The following BTBD9 variants were observed in gnomAD, a reference collection of about 807,000 sequenced individuals.
BTBD9 encodes the protein BTB/POZ domain-containing protein 9.
BTBD9 carries 49 observed loss-of-function variants against 64.3 expected under a neutral mutation model. That is an observed-to-expected ratio of 0.76 (90% CI 0.61 to 0.97). The LOEUF (loss-of-function observed/expected upper bound fraction) is 0.97, where lower values mean the gene tolerates loss of function less well. BTBD9 is among the 50% of genes least tolerant of loss of function. The pLI is 0.00. For missense variants in BTBD9, 598 were observed against 762.1 expected, an observed-to-expected ratio of 0.78 and a Z score of 2.53; for synonymous variants, 260 against 274.7, an observed-to-expected ratio of 0.95 and a Z score of 0.53.
At chr6:38,449,403 T>C (rs1267799590) in intron 6 of BTBD9, among the ~76,000 whole-genome samples, 2 of 152,122 alleles carry the variant, frequency 1.3e-5, no homozygotes, top group Non-Finnish European at 2.9e-5. Context: ...AACAGCACAG[T>C]ACTGGCATAA....
intron 1 of BTBD9, among the ~76,000 whole-genome samples, chr6:38,638,934 C>A (rs1778624255): frequency 6.6e-6 from 1 of 152,158 alleles, no homozygotes; most frequent in African/African-American, 2.4e-5. Flanking sequence ...ATGAGCTACA[C>A]CTTTACATGC....
intron 6 of BTBD9, among the ~76,000 whole-genome samples, chr6:38,366,796 C>T (rs1173116340): frequency 6.6e-6 from 1 of 152,180 alleles, no homozygotes; most frequent in Non-Finnish European, 1.5e-5. Flanking sequence ...TGGCCATTCA[C>T]TAGGAATAGA....
chr6:38,437,574 A>G (rs1768797095), intron 6 of BTBD9, among the ~76,000 whole-genome samples: 1 of 152,210 alleles, frequency 6.6e-6, no homozygotes, highest in Non-Finnish European at 1.5e-5. Flanking sequence ...GACTGTGAAA[A>G]CTGTAATGCC....
At chr6:38,279,805 G>A (rs927150673) in intron 8 of BTBD9, among the ~76,000 whole-genome samples, 6 of 152,068 alleles carry the variant, frequency 3.9e-5, no homozygotes, top group African/African-American at 9.7e-5. Context: ...AAACACACAC[G>A]TGTGCATGAA....
rs980161677 is a variant in BTBD9 at position 38,174,933 on chromosome 6, G to T, written c.*52C>A. Reference sequence around the variant, plus strand: ...GAGACCCCTGCTCAGGGAGGAGACCGTTTCCTGCCGTTGCCCGAGCCCACC... The same window carrying T: ...GAGACCCCTGCTCAGGGAGGAGACCTTTTCCTGCCGTTGCCCGAGCCCACC... On this transcript the variant is annotated 3_prime_UTR_variant, in exon 11 of 11. Coordinates refer to ENST00000481247, the MANE Select transcript of BTBD9 (RefSeq NM_001099272.2). 1 of 1,597,658 alleles carries T rather than the reference G, an allele frequency of 6.3e-7. No individual in the cohort carries two copies. Among genetic ancestry groups the T allele is most frequent in the Non-Finnish European group, 8.5e-7 (1 of 1,171,370 alleles).
chr6:38,580,549 C>G lies in BTBD9; in HGVS notation c.815-112G>C, dbSNP rs114423425. 3,792 of 868,062 alleles carry G rather than the reference C, an allele frequency of 4.4e-3. 77 individuals are homozygous for G. In the African/African-American group the frequency reaches 0.055, roughly 12 times the overall value. 53.8% of individuals were successfully genotyped at this position (868,062 alleles called of 1,614,324 possible). ...TTATTCTAGTATCTGCATTTAAGAACAGCATAGACAAGTTTATTGGATAGA... is the reference window on the plus strand; with the variant it reads ...TTATTCTAGTATCTGCATTTAAGAAGAGCATAGACAAGTTTATTGGATAGA... On this transcript the variant is annotated intron_variant, in intron 4 of 10. Transcript: ENST00000481247.
At chr6:38,271,190 C>T (rs1765185996) in intron 8 of BTBD9, among the ~76,000 whole-genome samples, 1 of 152,128 alleles carries the variant, frequency 6.6e-6, no homozygotes, top group Non-Finnish European at 1.5e-5. Context: ...GTATCTAAAA[C>T]AGATTAAAGT....
intron 4 of BTBD9, among the ~76,000 whole-genome samples, chr6:38,584,188 C>T (rs996953509): frequency 1.3e-5 from 2 of 151,966 alleles, no homozygotes; most frequent in Admixed American, 1.3e-4. Flanking sequence ...ATTAGCTGAG[C>T]GTGGTAGTAC....
At chr6:38,303,242 A>G (rs1762478593) in intron 7 of BTBD9, among the ~76,000 whole-genome samples, 1 of 151,896 alleles carries the variant, frequency 6.6e-6, no homozygotes, top group South Asian at 2.1e-4. Flanking sequence ...CATTTCCCCC[A>G]TGTTTTCTTC....
At chr6:38,602,550 TC>T (rs1562405659) in intron 1 of BTBD9, among the ~76,000 whole-genome samples, 1 of 152,054 alleles carries the variant, frequency 6.6e-6, no homozygotes, top group South Asian at 2.1e-4. Context: ...AAGGGTTAAG[TC>T]ACTAGACTGG....
At chr6:38,512,831 G>A (rs1244123379) in intron 6 of BTBD9, among the ~76,000 whole-genome samples, 1 of 152,114 alleles carries the variant, frequency 6.6e-6, no homozygotes, top group African/African-American at 2.4e-5. Context: ...TTTTGTAGTT[G>A]AGATCTAAGT....
At chr6:38,594,675 C>A (rs1365115047) in intron 2 of BTBD9, among the ~76,000 whole-genome samples, 1 of 152,118 alleles carries the variant, frequency 6.6e-6, no homozygotes, top group African/African-American at 2.4e-5. Flanking sequence ...AAAAGTAAAA[C>A]TCTATAGGAA....
intron 6 of BTBD9, among the ~76,000 whole-genome samples, chr6:38,506,094 A>C (rs1772497187): frequency 6.6e-6 from 1 of 151,934 alleles, no homozygotes. Context: ...CTGACTCTAA[A>C]ACCAGACACC....
At chr6:38,541,566 G>A (rs1487352167) in intron 6 of BTBD9, among the ~76,000 whole-genome samples, 2 of 152,106 alleles carry the variant, frequency 1.3e-5, no homozygotes, top group Admixed American at 1.3e-4. Flanking sequence ...GCGAAGCCCC[G>A]TCTCTACTAA....
At chr6:38,326,328 A>G (rs1269814175) in intron 7 of BTBD9, among the ~76,000 whole-genome samples, 3 of 152,210 alleles carry the variant, frequency 2.0e-5, no homozygotes, top group Admixed American at 6.5e-5. Context: ...TGAAGCAAAT[A>G]TGCAGGCATC....
rs566704882 is a variant in BTBD9, at chr6:38,221,894, G to A, written c.1563-29297C>T. Among the ~76,000 whole-genome samples the A allele has an allele frequency of 1.2e-4, 19 of 152,272 alleles. No homozygotes were observed. The East Asian group carries it at 3.7e-3, about 29-fold the overall frequency. On this transcript the variant is annotated intron_variant, in intron 9 of 10. Transcript: ENST00000481247. ...TAGTCCCAGCTACTTGGGAGGCTGA[G>A]GCAGGAGAATCGCTTGAACCTGGGA...
At chr6:38,349,560 T>G (rs937666887) in intron 6 of BTBD9, among the ~76,000 whole-genome samples, 1 of 152,144 alleles carries the variant, frequency 6.6e-6, no homozygotes, top group Non-Finnish European at 1.5e-5. Context: ...TAGTTATTGT[T>G]GTTAATCTCT....
chr6:38,428,042 C>T (rs1185381470), intron 6 of BTBD9, among the ~76,000 whole-genome samples: 2 of 151,696 alleles, frequency 1.3e-5, no homozygotes, highest in Admixed American at 1.3e-4. Flanking sequence ...GTAAGCAGGC[C>T]CCTTCAAAGG....
chr6:38,565,692 G>T (rs1327199516), intron 6 of BTBD9, among the ~76,000 whole-genome samples: 1 of 152,142 alleles, frequency 6.6e-6, no homozygotes, highest in South Asian at 2.1e-4. Context: ...GTGGGAAAAT[G>T]GAAACTATCA....
Sources: allele counts gnomAD v4.1 joint callset (sites outside exome capture counted in the v4.1 genomes callset), GRCh38; gene constraint gnomAD v4.1.1; transcripts MANE v1.5; gene names NCBI Gene and HGNC (gene_info 2026-07-23, HGNC 2026-07-21).